NALCN: variants seen among roughly 807,000 people sequenced by gnomAD.
The protein encoded by NALCN is sodium leak channel NALCN.
In NALCN, 111 loss-of-function variants were observed where a neutral mutation model predicts 225.3. The ratio of observed to expected loss-of-function variants is 0.49; its 90% CI spans 0.42 to 0.58. NALCN has a LOEUF of 0.58. Ranked by LOEUF, NALCN falls within the 20% of genes least tolerant of loss-of-function variation. NALCN has a pLI of 0.00. For synonymous variants in NALCN, 764 were observed against 769.0 expected, an observed-to-expected ratio of 0.99 and a Z score of 0.11; for missense variants, 1,378 against 2,202.4, an observed-to-expected ratio of 0.63 and a Z score of 7.49.
intron 7 of NALCN, among the ~76,000 whole-genome samples, chr13:101,335,092 A>G (rs2045334640): frequency 6.6e-6 from 1 of 152,202 alleles, no homozygotes; most frequent in Non-Finnish European, 1.5e-5. Flanking sequence ...GAAATAAATC[A>G]TCACTTTATG....
intron 3 of NALCN, among the ~76,000 whole-genome samples, chr13:101,381,304 G>A (rs976531242): frequency 2.0e-5 from 3 of 152,020 alleles, no homozygotes; most frequent in Non-Finnish European, 2.9e-5. Context: ...ACACATAAAC[G>A]CATCACAAAG....
At position 101,242,411 on chromosome 13, in the gene NALCN, C is replaced by G. The variant is rs1314541552; in HGVS notation, c.1267-4489G>C. On this transcript the variant is annotated intron_variant, in intron 11 of 43. Transcript: ENST00000251127. ...AATTCTCAATGGTTAGACATCAAAC[C>G]AATGCTTTTTTCTTATTGCTTCACA... Among the ~76,000 whole-genome samples, 2 of 104,950 alleles carry G rather than the reference C, an allele frequency of 1.9e-5. 1 individual carries two copies. Among genetic ancestry groups the G allele is most frequent in the African/African-American group, 6.9e-5 (2 of 29,126 alleles). The allele number at this position is 104,950 out of a possible 152,430, so 68.9% of individuals were successfully genotyped here.
At chr13:101,084,860 A>G (rs886380395) in intron 30 of NALCN, among the ~76,000 whole-genome samples, 18 of 152,194 alleles carry the variant, frequency 1.2e-4, no homozygotes, top group African/African-American at 3.9e-4. Context: ...AAGCATCTTT[A>G]CATTTACCAG....
chr13:101,343,389 T>C (rs1444238421), intron 7 of NALCN, among the ~76,000 whole-genome samples: 1 of 152,166 alleles, frequency 6.6e-6, no homozygotes, highest in East Asian at 1.9e-4. Flanking sequence ...TGAGGAATAA[T>C]GAATATTGCC....
chr13:101,212,558 T>C (rs955271955), intron 13 of NALCN, among the ~76,000 whole-genome samples: 1 of 152,168 alleles, frequency 6.6e-6, no homozygotes, highest in Admixed American at 6.5e-5. Flanking sequence ...ATAAAGAATG[T>C]TGATAGAATT....
At chr13:101,136,955 C>G (rs1041741861) in intron 17 of NALCN, among the ~76,000 whole-genome samples, 1 of 152,204 alleles carries the variant, frequency 6.6e-6, no homozygotes, top group African/African-American at 2.4e-5. Flanking sequence ...CACATCCTCT[C>G]CAGCACCTGT....
intron 3 of NALCN, among the ~76,000 whole-genome samples, chr13:101,383,841 C>T (rs542371497): frequency 8.3e-4 from 126 of 152,210 alleles, no homozygotes; most frequent in African/African-American, 1.4e-3. Context: ...AATACAGTTA[C>T]GGTTTACATA....
At position 101,399,234 on chromosome 13, in the gene NALCN, C is replaced by A. The variant is rs1038821487; in HGVS notation, c.-39-69G>T. ...CCTCATCAAAAAATTGAGTTCCCCA[C>A]ATATATCTACTTATTTGTAAGGCAT... On this transcript the variant is annotated intron_variant, in intron 1 of 43. Transcript: ENST00000251127. 7 of 1,053,518 alleles carry A rather than the reference C, an allele frequency of 6.6e-6. No homozygotes were observed. The African/African-American group carries it at 8.0e-5, about 12-fold the overall frequency. The allele number at this position is 1,053,518 out of a possible 1,614,324, so 65.3% of individuals were successfully genotyped here. A position where few individuals can be genotyped will look rare whatever the true frequency, so the allele number is the denominator to read the frequency against.
chr13:101,166,417 G>A (rs892070124), intron 15 of NALCN, among the ~76,000 whole-genome samples: 6 of 144,528 alleles, frequency 4.2e-5, no homozygotes, highest in African/African-American at 1.5e-4. Flanking sequence ...TTTTTTTTTT[G>A]ATAGTGGCCA....
chr13:101,063,695 T>C lies in NALCN; in HGVS notation c.4605-1577A>G, dbSNP rs140831287. 2.7e-3 allele frequency among the ~76,000 whole-genome samples: 414 copies of C among 152,262 alleles called. 1 individual carries two copies. The highest frequency in any genetic ancestry group is 9.4e-3 in the African/African-American group (391 of 41,552). Reference sequence around the variant, plus strand: ...GTGAAATTGATAACTTGAGAGAACTTTTCCCAGATTCTTCCTGTGCTGATC... The same window carrying C: ...GTGAAATTGATAACTTGAGAGAACTCTTCCCAGATTCTTCCTGTGCTGATC... On this transcript the variant is annotated intron_variant, in intron 40 of 43. Transcript: ENST00000251127.
chr13:101,382,324 A>G (rs750842633), intron 3 of NALCN, among the ~76,000 whole-genome samples: 7 of 151,918 alleles, frequency 4.6e-5, no homozygotes, highest in Non-Finnish European at 7.4e-5. Context: ...GTGAATGGCC[A>G]GGAGCCAAAG....
Position 101,203,394 on chromosome 13 carries a change from T to G in NALCN, c.1627-11340A>C, listed in dbSNP as rs148182489. ...CCACACCTGGCTGACTTTTGTATTT[T>G]TTAGTAGAGACGGGGTTTCACCATG... On this transcript the variant is annotated intron_variant, in intron 13 of 43. Transcript: ENST00000251127. 4.2e-3 allele frequency among the ~76,000 whole-genome samples: 647 copies of G among 152,300 alleles called. 6 individuals are homozygous for G. The highest frequency in any genetic ancestry group is 0.014 in the African/African-American group (595 of 41,552).
chr13:101,408,507 C>T (rs1019895805), intron 1 of NALCN, among the ~76,000 whole-genome samples: 2 of 152,186 alleles, frequency 1.3e-5, no homozygotes, highest in Admixed American at 6.5e-5. Flanking sequence ...AAAACTGACA[C>T]CCTGGGCATC....
chr13:101,056,366 TTC>T (rs1234340640), intron 43 of NALCN, among the ~76,000 whole-genome samples: 1 of 149,538 alleles, frequency 6.7e-6, no homozygotes, highest in Non-Finnish European at 1.5e-5. Context: ...GCTCAAGTGA[TTC>T]TCCTGCCTCA....
At position 101,058,014 on chromosome 13, in the gene NALCN, G is replaced by A; in HGVS notation, c.4948C>T (p.Arg1650Ter). 2 of 1,613,700 alleles carry A rather than the reference G, an allele frequency of 1.2e-6. No homozygotes were observed. The highest frequency in any genetic ancestry group is 8.5e-7 in the Non-Finnish European group (1 of 1,180,040). ...QQLLSPTLSD[R>*]GGSRQDAADA... is the part of the protein sequence containing the mutation. ...GCTGCATCTTGCCGACTTCCTCCTC[G>A]ATCCGACAGCGTGGGGCTCAGGAGC... Residue 1650 changes from arginine to a stop codon, truncating the protein, a stop_gained, in exon 43 of 44, where the codon CGA becomes TGA. Coordinates refer to ENST00000251127, the MANE Select transcript of NALCN (RefSeq NM_052867.4). LOFTEE classifies it high-confidence loss of function.
chr13:101,125,543 G>A (rs1186224335), intron 17 of NALCN, among the ~76,000 whole-genome samples: 1 of 152,128 alleles, frequency 6.6e-6, no homozygotes, highest in Non-Finnish European at 1.5e-5. Flanking sequence ...ATAGAATTTG[G>A]AGTTCTTGGT....
At chr13:101,087,817 G>A (rs565052830) in intron 30 of NALCN, among the ~76,000 whole-genome samples, 5 of 152,144 alleles carry the variant, frequency 3.3e-5, no homozygotes, top group Non-Finnish European at 7.4e-5. Context: ...GTTGTTCTAT[G>A]TATGTTGCTG....
At chr13:101,246,667 C>G (rs939950967) in intron 11 of NALCN, among the ~76,000 whole-genome samples, 2 of 152,122 alleles carry the variant, frequency 1.3e-5, no homozygotes, top group Non-Finnish European at 2.9e-5. Flanking sequence ...TCAGAAGAAA[C>G]CTATTTACTT....
At chr13:101,358,804 T>A (rs1049836471) in intron 6 of NALCN, among the ~76,000 whole-genome samples, 1 of 152,088 alleles carries the variant, frequency 6.6e-6, no homozygotes, top group African/African-American at 2.4e-5. Flanking sequence ...CAAATACCCA[T>A]CAAGGATAGA....
Sources: allele counts gnomAD v4.1 joint callset (sites outside exome capture counted in the v4.1 genomes callset), GRCh38; gene constraint gnomAD v4.1.1; transcripts MANE v1.5; gene names NCBI Gene and HGNC (gene_info 2026-07-23, HGNC 2026-07-21).